The following WNK3 variants were observed in gnomAD, a reference collection of about 807,000 sequenced individuals.
WNK3 encodes the protein serine/threonine-protein kinase WNK3.
A neutral mutation model predicts 116.7 loss-of-function variants in WNK3; 18 were observed. The ratio of observed to expected loss-of-function variants is 0.15; its 90% CI spans 0.11 to 0.23. The LOEUF (loss-of-function observed/expected upper bound fraction) is 0.23, where lower values mean the gene tolerates loss of function less well. Ranked by LOEUF, WNK3 falls within the 10% of genes least tolerant of loss-of-function variation. The pLI, the probability that WNK3 is intolerant of heterozygous loss-of-function variation, is 1.00. For synonymous variants in WNK3, 404 were observed against 469.4 expected (o/e 0.86, Z 1.80); for missense variants, 993 against 1,323.8 (o/e 0.75, Z 3.88).
At chrX:54,273,480 T>C (rs2068407358) in intron 10 of WNK3, among the ~76,000 whole-genome samples, 1 of 111,632 alleles carries the variant, frequency 9.0e-6, no homozygotes, top group Non-Finnish European at 1.9e-5. Flanking sequence ...AGGCGGAGGT[T>C]GCAGTGAGCC....
intron 11 of WNK3, 133 bp from the exon 12 acceptor site, chrX:54,256,020 G>A (rs2068188932): frequency 2.0e-6 from 1 of 500,157 alleles, no homozygotes; most frequent in Non-Finnish European, 3.1e-6. Flanking sequence ...AGTTATGACT[G>A]CACAACTCTG....
chrX:54,253,265 TA>T (rs1192887892), intron 13 of WNK3, among the ~76,000 whole-genome samples: 6 of 109,630 alleles, frequency 5.5e-5, no homozygotes, highest in African/African-American at 2.0e-4. Context: ...ATAAAAATAA[TA>T]AAAGGTAACT....
exon 24 of WNK3, chrX:54,196,988 A>T (rs1603369019): frequency 8.9e-6 from 1 of 112,193 alleles, no homozygotes; most frequent in East Asian, 2.8e-4. Context: ...GGACAACTTA[A>T]ATAGTATCCT....
intron 1 of WNK3, among the ~76,000 whole-genome samples, chrX:54,335,562 C>T (rs976689720): frequency 1.8e-5 from 2 of 111,054 alleles, no homozygotes; most frequent in Non-Finnish European, 1.9e-5. Context: ...CCTCAAAGGG[C>T]GCAGTTTGTC....
chrX:54,353,668 A>G (rs1443295282), intron 1 of WNK3, among the ~76,000 whole-genome samples: 1 of 106,954 alleles, frequency 9.3e-6, no homozygotes, highest in Non-Finnish European at 1.9e-5. Context: ...AATCATTTGA[A>G]CTCAGGAGGC....
chrX:54,280,121 A>C (rs1603389014), intron 10 of WNK3, among the ~76,000 whole-genome samples: 1 of 111,632 alleles, frequency 9.0e-6, no homozygotes, highest in Non-Finnish European at 1.9e-5. Flanking sequence ...AGATGGTGAA[A>C]CCCTGTCTCT....
At chrX:54,269,561 T>G (rs1265013733) in intron 10 of WNK3, among the ~76,000 whole-genome samples, 1 of 111,349 alleles carries the variant, frequency 9.0e-6, no homozygotes, top group Admixed American at 9.6e-5. Context: ...ACAATCCCAT[T>G]CCTAAGTATA....
At chrX:54,333,706 T>C (rs2069199479) in exon 2 of WNK3, 1 of 1,102,091 alleles carries the variant, frequency 9.1e-7, no homozygotes, top group Non-Finnish European at 1.2e-6. Flanking sequence ...ATTTTTCCTG[T>C]TTCTACTCTT....
exon 12 of WNK3, chrX:54,255,867 G>A (rs141367442): frequency 4.9e-5 from 59 of 1,198,797 alleles, no homozygotes; most frequent in Non-Finnish European, 6.5e-5. Flanking sequence ...TTCCTTCGTA[G>A]TTGCCACATC....
intron 22 of WNK3, among the ~76,000 whole-genome samples, chrX:54,214,805 G>C (rs1332413807): frequency 9.0e-6 from 1 of 111,296 alleles, no homozygotes; most frequent in Non-Finnish European, 1.9e-5. Flanking sequence ...GAGGTCAGGA[G>C]ATCGAGACCA....
intron 23 of WNK3, among the ~76,000 whole-genome samples, chrX:54,200,122 G>C (rs1426608577): frequency 8.9e-6 from 1 of 112,033 alleles, no homozygotes; most frequent in East Asian, 2.8e-4. Context: ...AGCTTTCCTT[G>C]ACTTTCCTTT....
chrX:54,202,263 T>C, intron 22 of WNK3, 70 bp from the exon 23 acceptor site: 3 of 1,030,556 alleles, frequency 2.9e-6, no homozygotes, highest in South Asian at 4.4e-5. Flanking sequence ...AGATAACTCT[T>C]TGGCCAACAA....
chrX:54,280,058 G>T (rs1557161967), intron 10 of WNK3, among the ~76,000 whole-genome samples: 3 of 112,245 alleles, frequency 2.7e-5, no homozygotes, highest in Non-Finnish European at 5.6e-5. Context: ...CAGCACTTCG[G>T]GAGGCCGAGG....
intron 1 of WNK3, among the ~76,000 whole-genome samples, chrX:54,342,662 C>T (rs1410335622): frequency 9.1e-6 from 1 of 110,141 alleles, no homozygotes; most frequent in Non-Finnish European, 1.9e-5. Context: ...CCCTCCCACC[C>T]CTCATTGTGT....
chrX:54,320,197 T>C (rs996720891), intron 2 of WNK3, among the ~76,000 whole-genome samples: 1 of 112,164 alleles, frequency 8.9e-6, no homozygotes, highest in Non-Finnish European at 1.9e-5. Context: ...ACATATGGAA[T>C]GCTAAAAGTG....
chrX:54,198,422 C>T lies in WNK3; in HGVS notation c.5305G>A (p.Ala1769Thr), dbSNP rs781958016. The change falls in exon 24 of 24, where the codon GCC becomes ACC. Residue 1769 changes from alanine (A) to threonine (T), a missense_variant. Coordinates refer to ENST00000354646, the Ensembl canonical transcript of WNK3. ...GGCTGGAATGGTCCCCCAGATTGGG[C>T]GGGAATTACTACAGATTGTTGTGTT... 12 of 1,208,775 alleles carry T rather than the reference C, an allele frequency of 9.9e-6. No individual in the cohort carries two copies. The highest frequency in any genetic ancestry group is 5.3e-5 in the African/African-American group (3 of 57,012).
intron 10 of WNK3, among the ~76,000 whole-genome samples, chrX:54,283,640 G>A (rs1195377401): frequency 4.6e-5 from 5 of 108,632 alleles, no homozygotes; most frequent in Non-Finnish European, 9.6e-5. Flanking sequence ...GTGGTGGCAG[G>A]CGCCTGTAGT....
chrX:54,196,814 C>G (rs1210686114), exon 24 of WNK3: 1 of 111,576 alleles, frequency 9.0e-6, no homozygotes, highest in Non-Finnish European at 1.9e-5. Context: ...ATTGCCTCCC[C>G]TCCTCCTAAA....
At chrX:54,255,780 C>T (rs2068185234) in exon 12 of WNK3, 2 of 1,209,251 alleles carry the variant, frequency 1.7e-6, no homozygotes, top group South Asian at 1.8e-5. Context: ...CTTCTCTGGT[C>T]GGGGACAGGA....
Sources: allele counts gnomAD v4.1 joint callset (sites outside exome capture counted in the v4.1 genomes callset), GRCh38; gene constraint gnomAD v4.1.1; transcripts MANE v1.5; gene names NCBI Gene and HGNC (gene_info 2026-07-23, HGNC 2026-07-21).